The following AGO2 variants were observed in gnomAD, a reference collection of about 807,000 sequenced individuals.
AGO2 encodes the protein protein argonaute-2.
Under a neutral mutation model 102.3 loss-of-function variants are expected in AGO2, and 5 were observed. The ratio of observed to expected loss-of-function variants is 0.05; its 90% confidence interval spans 0.03 to 0.10. The LOEUF (loss-of-function observed/expected upper bound fraction) is 0.10, where lower values mean the gene tolerates loss of function less well. Ranked by LOEUF, AGO2 falls within the 10% of genes least tolerant of loss-of-function variation. The pLI, the probability that AGO2 is intolerant of heterozygous loss-of-function variation, is 1.00. For synonymous variants in AGO2, 449 were observed against 473.1 expected, an observed-to-expected ratio of 0.95 and a Z score of 0.66; for missense variants, 541 against 1,183.7, an observed-to-expected ratio of 0.46 and a Z score of 7.97.
rs556289999 is a variant in AGO2, at chr8:140,578,463, G to A, written c.216-5531C>T. ...GGCACTAACTTCCCAGCCAGCCCAC[G>A]GAGCCACCTGGGGACCCTGCTCGCG... On this transcript the variant is annotated intron_variant, in intron 2 of 18. Coordinates refer to ENST00000220592, the MANE Select transcript of AGO2 (RefSeq NM_012154.5). Among the ~76,000 whole-genome samples, 84 of 152,264 alleles carry A rather than the reference G, an allele frequency of 5.5e-4. 1 individual carries two copies. Among genetic ancestry groups the A allele is most frequent in the African/African-American group, 2.0e-3 (82 of 41,552 alleles).
At chr8:140,601,892 G>A (rs1442819895) in intron 1 of AGO2, among the ~76,000 whole-genome samples, 1 of 152,180 alleles carries the variant, frequency 6.6e-6, no homozygotes, top group Non-Finnish European at 1.5e-5. Flanking sequence ...CGGCGGGCCA[G>A]CACACAGAAA....
chr8:140,561,241 T>C (rs1014259802), intron 4 of AGO2, among the ~76,000 whole-genome samples: 8 of 152,204 alleles, frequency 5.3e-5, no homozygotes, highest in Admixed American at 4.6e-4. Context: ...CCGTCACTAA[T>C]GATTCTGAAG....
chr8:140,523,803 G>A lies in AGO2; in HGVS notation c.*8241C>T, dbSNP rs547718572. Reference sequence around the variant, plus strand: ...TCCCTCTGCAGCCGTTGCCTCTGTGGAGGGAGAGGCCATTCCTTGCCTTGC... The same window carrying A: ...TCCCTCTGCAGCCGTTGCCTCTGTGAAGGGAGAGGCCATTCCTTGCCTTGC... On this transcript the variant is annotated 3_prime_UTR_variant, in exon 19 of 19. Coordinates refer to ENST00000220592, the MANE Select transcript of AGO2 (RefSeq NM_012154.5). 6.6e-6 allele frequency: 1 copy of A among 152,346 alleles called. No individual in the cohort carries two copies. The highest frequency in any genetic ancestry group is 2.1e-4 in the South Asian group (1 of 4,828). The allele number at this position is 152,346 out of a possible 1,614,324, so 9.4% of individuals were successfully genotyped here.
At chr8:140,566,547 T>A (rs1326634936) in intron 3 of AGO2, among the ~76,000 whole-genome samples, 1 of 151,256 alleles carries the variant, frequency 6.6e-6, no homozygotes, top group Admixed American at 6.6e-5. Flanking sequence ...ACATTTGGCA[T>A]AACACTGGCA....
intron 17 of AGO2, among the ~76,000 whole-genome samples, chr8:140,533,250 G>A (rs1232114718): frequency 1.3e-5 from 2 of 151,132 alleles, no homozygotes; most frequent in Non-Finnish European, 3.0e-5. Context: ...TTAGCCAGGC[G>A]TGGTGGCGGG....
Position 140,577,741 on chromosome 8 carries a change from AG to A in AGO2, c.216-4810del, listed in dbSNP as rs200448232. ...GACACACTTCTCAATGACTTATGGCAGGCAACCACACACACCCAGGATTCAA... is the reference window on the plus strand; with the variant it reads ...GACACACTTCTCAATGACTTATGGCAGCAACCACACACACCCAGGATTCAA... On this transcript the variant is annotated intron_variant, in intron 2 of 18. Coordinates refer to ENST00000220592, the MANE Select transcript of AGO2 (RefSeq NM_012154.5). Among the ~76,000 whole-genome samples the A allele has an allele frequency of 5.4e-3, 822 of 152,256 alleles. 47 individuals carry two copies. Among genetic ancestry groups the A allele is most frequent in the Admixed American group, 0.048 (740 of 15,276 alleles).
intron 10 of AGO2, among the ~76,000 whole-genome samples, chr8:140,553,487 G>A (rs1169938129): frequency 1.4e-5 from 2 of 140,858 alleles, no homozygotes; most frequent in African/African-American, 2.7e-5. Context: ...TTGGCTCACC[G>A]CAACCTCTGC....
In AGO2 at chr8:140,530,371, G is replaced by A. The variant is rs543750514; in HGVS notation, c.*1673C>T. 5 of 152,424 alleles carry A rather than the reference G, an allele frequency of 3.3e-5. No homozygotes were observed. Among genetic ancestry groups the A allele is most frequent in the South Asian group, 4.1e-4 (2 of 4,824 alleles). The allele number at this position is 152,424 out of a possible 1,614,324, so 9.4% of individuals were successfully genotyped here. On this transcript the variant is annotated 3_prime_UTR_variant, in exon 19 of 19. Transcript: ENST00000220592. ...TGGCACCCCACCCCACCACAGTGCCGAGGTAAGTGTCGCGCAGGGCCGGGG... is the reference window on the plus strand; with the variant it reads ...TGGCACCCCACCCCACCACAGTGCCAAGGTAAGTGTCGCGCAGGGCCGGGG...
chr8:140,615,322 C>T (rs1334305648), intron 1 of AGO2, among the ~76,000 whole-genome samples: 2 of 152,246 alleles, frequency 1.3e-5, no homozygotes, highest in African/African-American at 4.8e-5. Flanking sequence ...TGGAGACAGC[C>T]CCCTGGCCAG....
At chr8:140,556,975 G>T in intron 8 of AGO2, 114 bp downstream of exon 8, 1 of 1,412,052 alleles carries the variant, frequency 7.1e-7, no homozygotes, top group South Asian at 1.4e-5. Context: ...CAGCAGCAGA[G>T]GCAGTGCCAT....
chr8:140,572,623 A>ATCAC lies in AGO2; in HGVS notation c.336+185_336+188dup, dbSNP rs1484357294. The stretch of plus-strand genomic sequence containing the variant: ...CTGGACCTAGACAAGTTAAACCCCC[A>ATCAC]TCACTGAAAGCCACAACACAGAGAA... On this transcript the variant is annotated intron_variant, in intron 3 of 18. Coordinates refer to ENST00000220592, the MANE Select transcript of AGO2 (RefSeq NM_012154.5). The ATCAC allele has an allele frequency of 1.5e-5, 11 of 755,576 alleles. No homozygotes were observed. In the Admixed American group the frequency reaches 3.0e-4, roughly 21 times the overall value. The allele number at this position is 755,576 out of a possible 1,614,324, so 46.8% of individuals were successfully genotyped here.
intron 1 of AGO2, among the ~76,000 whole-genome samples, chr8:140,611,877 G>A (rs2074082648): frequency 6.6e-6 from 1 of 152,076 alleles, no homozygotes; most frequent in South Asian, 2.1e-4. Flanking sequence ...AATTATAATC[G>A]TGGAAAACAT....
rs1050623677 is a variant in AGO2, at chr8:140,587,150, C to T, written c.23-1839G>A. Among the ~76,000 whole-genome samples the T allele has an allele frequency of 2.0e-5, 3 of 152,182 alleles. No homozygotes were observed. In the South Asian group the frequency reaches 6.2e-4, roughly 32 times the overall value. ...GGCTGACCCTATTTCTCCTAAGAAG[C>T]CTTCCCCGAGACTACCTCCTCTGCA... On this transcript the variant is annotated intron_variant, in intron 1 of 18. Coordinates refer to ENST00000220592, the MANE Select transcript of AGO2 (RefSeq NM_012154.5).
Position 140,527,034 on chromosome 8 carries a change from C to CAG in AGO2, c.*5009_*5010insCT, listed in dbSNP as rs2132840865. 1.3e-5 allele frequency: 2 copies of CAG among 152,140 alleles called. No individual in the cohort carries two copies. The highest frequency in any genetic ancestry group is 4.8e-5 in the African/African-American group (2 of 41,496). The allele number at this position is 152,140 out of a possible 1,614,324, so 9.4% of individuals were successfully genotyped here. A position where few individuals can be genotyped will look rare whatever the true frequency, so the allele number is the denominator to read the frequency against. On this transcript the variant is annotated 3_prime_UTR_variant, in exon 19 of 19. Transcript: ENST00000220592. The surrounding 1 kb of genome is among the most constrained non-coding windows in gnomAD (Gnocchi z 6.0). ...TAGTAGCAGGCGGAGCAGATGCCTC[C>CAG]CGTCTGGACTGTCCCAGGCTGGGTG... is the stretch of plus-strand genomic sequence containing the variant.
chr8:140,590,224 C>T (rs1431692263), intron 1 of AGO2, among the ~76,000 whole-genome samples: 1 of 152,150 alleles, frequency 6.6e-6, no homozygotes, highest in Non-Finnish European at 1.5e-5. Flanking sequence ...ATGCGTTCTA[C>T]CCCCTCCCCC....
At chr8:140,548,772 T>G (rs1250685743) in intron 12 of AGO2, among the ~76,000 whole-genome samples, 1 of 151,390 alleles carries the variant, frequency 6.6e-6, no homozygotes, top group African/African-American at 2.4e-5. Context: ...GGGCAGGAGG[T>G]GACCCTGGTG....
At chr8:140,551,710 T>C (rs1230348220) in intron 10 of AGO2, among the ~76,000 whole-genome samples, 1 of 146,052 alleles carries the variant, frequency 6.8e-6, no homozygotes, top group Non-Finnish European at 1.5e-5. Context: ...GGTGGATAGT[T>C]GATGGGTGGG....
chr8:140,525,051 G>T lies in AGO2; in HGVS notation c.*6993C>A, dbSNP rs1451113263. 4 of 152,208 alleles carry T rather than the reference G, an allele frequency of 2.6e-5. No homozygotes were observed. The highest frequency in any genetic ancestry group is 9.7e-5 in the African/African-American group (4 of 41,446). The allele number at this position is 152,208 out of a possible 1,614,324, so 9.4% of individuals were successfully genotyped here. ...GCCTCTTCCTACCCCCCAAAAGGGGGCTGGGGGCTGAGGTGAGGACTTAAC... is the reference window on the plus strand; with the variant it reads ...GCCTCTTCCTACCCCCCAAAAGGGGTCTGGGGGCTGAGGTGAGGACTTAAC... On this transcript the variant is annotated 3_prime_UTR_variant, in exon 19 of 19. Transcript: ENST00000220592.
intron 1 of AGO2, among the ~76,000 whole-genome samples, chr8:140,635,275 C>T (rs1185329705): frequency 2.1e-5 from 3 of 146,016 alleles, no homozygotes; most frequent in African/African-American, 7.4e-5. Flanking sequence ...GGCTGCGCGT[C>T]CAACGCGGGG....
Sources: allele counts gnomAD v4.1 joint callset (sites outside exome capture counted in the v4.1 genomes callset), GRCh38; gene constraint gnomAD v4.1.1; non-coding constraint Gnocchi (gnomAD v3.1); transcripts MANE v1.5; gene names NCBI Gene and HGNC (gene_info 2026-07-23, HGNC 2026-07-21).